ATP8A2: variants seen among roughly 807,000 people sequenced by gnomAD.
ATP8A2 encodes phospholipid-transporting ATPase IB.
Under a neutral mutation model 165.6 loss-of-function variants are expected in ATP8A2, and 100 were observed. That is an observed-to-expected ratio of 0.60 (90% CI 0.51 to 0.71). The LOEUF is 0.71. Among genes scored for constraint, ATP8A2 ranks in the 30% least tolerant of loss-of-function variants. The pLI, the probability that ATP8A2 is intolerant of heterozygous loss-of-function variation, is 0.00. For synonymous variants in ATP8A2, 543 were observed against 548.8 expected (o/e 0.99, Z 0.15); for missense variants, 1,227 against 1,479.5 (o/e 0.83, Z 2.80).
At chr13:25,479,580 T>C (rs1354551378) in intron 2 of ATP8A2, among the ~76,000 whole-genome samples, 8 of 151,914 alleles carry the variant, frequency 5.3e-5, no homozygotes, top group Non-Finnish European at 1.0e-4. Context: ...GGAGGGAAGG[T>C]CAGCAGATAA....
chr13:25,806,011 G>T (rs1320992229), intron 27 of ATP8A2, among the ~76,000 whole-genome samples: 1 of 152,116 alleles, frequency 6.6e-6, no homozygotes, highest in Non-Finnish European at 1.5e-5. Flanking sequence ...ATAAGAGCAG[G>T]CTCCTGGTGA....
At chr13:26,004,993 CT>C (rs1427473054) in intron 35 of ATP8A2, among the ~76,000 whole-genome samples, 6 of 151,934 alleles carry the variant, frequency 3.9e-5, no homozygotes, top group Admixed American at 2.0e-4. Flanking sequence ...GTAATGCTGA[CT>C]TTGTAAAATG....
At chr13:25,963,576 TG>T (rs1163748273) in intron 34 of ATP8A2, among the ~76,000 whole-genome samples, 1 of 152,230 alleles carries the variant, frequency 6.6e-6, no homozygotes, top group East Asian at 1.9e-4. Context: ...CCACATCAGC[TG>T]GCCTTTTCTA....
rs1955433624 is a variant in ATP8A2, at chr13:25,953,546, A to AC, written c.3184-8029_3184-8028insC. 1.2e-5 allele frequency among the ~76,000 whole-genome samples: 1 copy of AC among 81,578 alleles called. No homozygotes were observed. Among genetic ancestry groups the AC allele is most frequent in the African/African-American group, 4.9e-5 (1 of 20,506 alleles). The allele number at this position is 81,578 out of a possible 152,430, so 53.5% of individuals were successfully genotyped here. On this transcript the variant is annotated intron_variant, in intron 33 of 36. Coordinates refer to ENST00000381655, the MANE Select transcript of ATP8A2 (RefSeq NM_016529.6). This position sits in a 1 kb window ranked among gnomAD's most constrained non-coding sequence, Gnocchi z 6.7. ...TTAAAAAAAAAAAAAAAAAAAAAAA[A>AC]GCAAGGGAAATAGGCAAGACGGCCA...
intron 25 of ATP8A2, among the ~76,000 whole-genome samples, chr13:25,720,262 G>T (rs2043349386): frequency 6.9e-6 from 1 of 145,222 alleles, no homozygotes; most frequent in African/African-American, 2.7e-5. Flanking sequence ...CCACCTCCCA[G>T]GTTCATGCCA....
intron 35 of ATP8A2, among the ~76,000 whole-genome samples, chr13:25,986,292 C>T (rs1240455401): frequency 6.6e-6 from 1 of 152,204 alleles, no homozygotes; most frequent in Non-Finnish European, 1.5e-5. Flanking sequence ...AATCATCATG[C>T]TATACATTAG....
At chr13:25,668,289 C>T (rs1031378529) in intron 24 of ATP8A2, among the ~76,000 whole-genome samples, 10 of 152,048 alleles carry the variant, frequency 6.6e-5, no homozygotes, top group African/African-American at 2.4e-4. Context: ...AGTAATTTTG[C>T]CAAGCATAGC....
At chr13:25,465,160 T>A (rs1487814482) in intron 1 of ATP8A2, among the ~76,000 whole-genome samples, 1 of 152,274 alleles carries the variant, frequency 6.6e-6, no homozygotes, top group East Asian at 1.9e-4. Flanking sequence ...CTCAGAATTA[T>A]CTCATGAAAC....
intron 35 of ATP8A2, among the ~76,000 whole-genome samples, chr13:25,995,209 C>G (rs774132584): frequency 2.0e-5 from 3 of 146,900 alleles, no homozygotes; most frequent in Non-Finnish European, 4.5e-5. Flanking sequence ...TGTGTCTTCT[C>G]TTTTTTTTTT....
chr13:25,812,341 C>G (rs1197365764), intron 27 of ATP8A2, among the ~76,000 whole-genome samples: 3 of 149,562 alleles, frequency 2.0e-5, no homozygotes, highest in Non-Finnish European at 4.4e-5. Context: ...GCTCTCTAGG[C>G]TCTGCTTGCT....
At chr13:25,892,726 C>T (rs2138906784) in intron 33 of ATP8A2, among the ~76,000 whole-genome samples, 1 of 152,070 alleles carries the variant, frequency 6.6e-6, no homozygotes, top group African/African-American at 2.4e-5. Context: ...CTGCCATAGC[C>T]TATTTGATGA....
chr13:25,567,392 T>C (rs1044232355), intron 16 of ATP8A2: 7 of 456,562 alleles, frequency 1.5e-5, no homozygotes, highest in Non-Finnish European at 3.1e-5. Flanking sequence ...AATCCCACTG[T>C]TTATATAAGT....
chr13:25,882,366 A>T, intron 33 of ATP8A2, among the ~76,000 whole-genome samples: 1 of 152,236 alleles, frequency 6.6e-6, no homozygotes, highest in Admixed American at 6.5e-5. Flanking sequence ...AAGTCAATAC[A>T]GATCGGATTT....
intron 12 of ATP8A2, 41 bp from the exon 13 acceptor site, chr13:25,554,950 T>C (rs1446713903): frequency 8.2e-7 from 1 of 1,222,366 alleles, no homozygotes; most frequent in Non-Finnish European, 1.2e-6. Context: ...ATTAATGGTA[T>C]ATATTTTCTG....
intron 34 of ATP8A2, 120 bp from the exon 35 acceptor site, chr13:25,968,454 TC>T (rs1955833292): frequency 1.3e-6 from 1 of 789,876 alleles, no homozygotes; most frequent in African/African-American, 1.7e-5. Context: ...CTCCACCACT[TC>T]CCGAGCCTCG....
rs530960113 is a variant in ATP8A2 at position 25,652,416 on chromosome 13, C to T, written c.2212-46757C>T. 7.2e-5 allele frequency among the ~76,000 whole-genome samples: 11 copies of T among 152,190 alleles called. No individual in the cohort carries two copies. In the East Asian group the frequency reaches 1.4e-3, roughly 19 times the overall value. On this transcript the variant is annotated intron_variant, in intron 24 of 36. Coordinates refer to ENST00000381655, the MANE Select transcript of ATP8A2 (RefSeq NM_016529.6). Reference sequence around the variant, plus strand: ...GGTTCTATTAGCAGTCTTGTGCCAGCGTCACAGACTTAGTGATTCAAACTT... The same window carrying T: ...GGTTCTATTAGCAGTCTTGTGCCAGTGTCACAGACTTAGTGATTCAAACTT...
chr13:25,820,904 G>A (rs893338788), intron 27 of ATP8A2, among the ~76,000 whole-genome samples: 1 of 151,838 alleles, frequency 6.6e-6, no homozygotes, highest in Non-Finnish European at 1.5e-5. Context: ...TTAAAATTAA[G>A]AAGTGGATTT....
At chr13:25,481,596 C>T (rs2036203512) in intron 2 of ATP8A2, among the ~76,000 whole-genome samples, 1 of 152,174 alleles carries the variant, frequency 6.6e-6, no homozygotes, top group Non-Finnish European at 1.5e-5. Flanking sequence ...AGGGAGGGTA[C>T]CACTGTTATC....
intron 18 of ATP8A2, among the ~76,000 whole-genome samples, chr13:25,572,566 T>G (rs1324082139): frequency 6.6e-6 from 1 of 152,182 alleles, no homozygotes; most frequent in Non-Finnish European, 1.5e-5. Context: ...AAAATAATTA[T>G]ATCAAATAGG....
Sources: gnomAD v4.1 joint callset for allele counts (sites outside exome capture counted in the v4.1 genomes callset) on GRCh38, gnomAD v4.1.1 for gene constraint, Gnocchi (gnomAD v3.1) non-coding constraint, MANE v1.5 for transcripts, NCBI Gene and HGNC (gene_info 2026-07-23, HGNC 2026-07-21) for gene names.